ME1: variants seen among roughly 807,000 people sequenced by gnomAD.
ME1 encodes NADP-dependent malic enzyme.
A neutral mutation model predicts 66.4 loss-of-function variants in ME1; 74 were observed. The observed-to-expected ratio is 1.11, with a 90% confidence interval of 0.92 to 1.35. ME1 has a LOEUF of 1.35. Ranked by LOEUF, ME1 falls within the 40% of genes most tolerant of loss-of-function variation. The pLI, the probability that ME1 is intolerant of heterozygous loss-of-function variation, is 0.00. For synonymous variants in ME1, 251 were observed against 235.6 expected (o/e 1.07, Z -0.60); for missense variants, 750 against 694.1 (o/e 1.08, Z -0.90).
chr6:83,347,394 A>C (rs964921470), intron 4 of ME1, among the ~76,000 whole-genome samples: 1 of 152,234 alleles, frequency 6.6e-6, no homozygotes, highest in Admixed American at 6.5e-5. Flanking sequence ...AAACAAAACC[A>C]ATCTTATGAA....
chr6:83,371,655 G>C (rs1769195357), intron 3 of ME1, among the ~76,000 whole-genome samples: 1 of 152,132 alleles, frequency 6.6e-6, no homozygotes, highest in South Asian at 2.1e-4. Flanking sequence ...AATTTTCCAG[G>C]GGAGGTTGCT....
At chr6:83,376,364 G>A (rs1769288805) in intron 3 of ME1, among the ~76,000 whole-genome samples, 2 of 151,844 alleles carry the variant, frequency 1.3e-5, no homozygotes, top group African/African-American at 2.4e-5. Context: ...GTGTGGTGGC[G>A]CATGCCTGTG....
At chr6:83,293,496 A>C (rs1349593632) in intron 6 of ME1, among the ~76,000 whole-genome samples, 2 of 152,158 alleles carry the variant, frequency 1.3e-5, no homozygotes, top group Non-Finnish European at 2.9e-5. Context: ...TAGATATTGC[A>C]TATGTGTGAA....
At chr6:83,395,452 A>T (rs1244121976) in intron 3 of ME1, among the ~76,000 whole-genome samples, 1 of 151,782 alleles carries the variant, frequency 6.6e-6, no homozygotes, top group South Asian at 2.1e-4. Flanking sequence ...ATTGATTTGG[A>T]AATACTTTCT....
intron 7 of ME1, among the ~76,000 whole-genome samples, chr6:83,248,492 C>T (rs1033843756): frequency 4.6e-5 from 7 of 152,124 alleles, no homozygotes; most frequent in Admixed American, 4.6e-4. Context: ...AATACTGATA[C>T]AGTTTAGCTC....
intron 3 of ME1, among the ~76,000 whole-genome samples, chr6:83,365,990 A>T (rs892931023): frequency 6.6e-6 from 1 of 151,610 alleles, no homozygotes; most frequent in Non-Finnish European, 1.5e-5. Flanking sequence ...CCAATGTTCA[A>T]CTCTTCTCTT....
At chr6:83,317,970 C>T (rs907564712) in intron 5 of ME1, among the ~76,000 whole-genome samples, 4 of 152,070 alleles carry the variant, frequency 2.6e-5, no homozygotes, top group African/African-American at 9.7e-5. Flanking sequence ...ATCAACGGAA[C>T]AGAACAGAGC....
At chr6:83,345,696 CA>C (rs925346230) in intron 5 of ME1, among the ~76,000 whole-genome samples, 22 of 148,012 alleles carry the variant, frequency 1.5e-4, no homozygotes, top group Non-Finnish European at 2.4e-4. Flanking sequence ...AAAGGATGAG[CA>C]AAAAAAAAGT....
At chr6:83,374,358 T>C (rs1204031536) in intron 3 of ME1, among the ~76,000 whole-genome samples, 1 of 152,224 alleles carries the variant, frequency 6.6e-6, no homozygotes, top group African/African-American at 2.4e-5. Context: ...ATCAGTGATG[T>C]TGAGCTTTTT....
intron 1 of ME1, among the ~76,000 whole-genome samples, chr6:83,415,205 C>T (rs983760178): frequency 5.3e-5 from 8 of 152,184 alleles, no homozygotes; most frequent in Admixed American, 5.2e-4. Flanking sequence ...GATTTCTTAA[C>T]TCTTCAAGCT....
At chr6:83,408,324 T>C (rs1769985479) in intron 1 of ME1, among the ~76,000 whole-genome samples, 1 of 152,172 alleles carries the variant, frequency 6.6e-6, no homozygotes. Flanking sequence ...GGTCAGGAAA[T>C]GCCTTATATG....
intron 6 of ME1, among the ~76,000 whole-genome samples, chr6:83,304,727 AG>A (rs1393481590): frequency 6.6e-6 from 1 of 152,242 alleles, no homozygotes; most frequent in African/African-American, 2.4e-5. Flanking sequence ...GTGAAATAAA[AG>A]TAACAGTCAA....
intron 7 of ME1, among the ~76,000 whole-genome samples, chr6:83,251,731 C>A (rs1192788513): frequency 6.6e-6 from 1 of 151,952 alleles, no homozygotes; most frequent in Non-Finnish European, 1.5e-5. Flanking sequence ...CATTTCAGGA[C>A]CTGAGAAAGG....
chr6:83,379,018 G>T (rs1431911238), intron 3 of ME1, among the ~76,000 whole-genome samples: 1 of 151,964 alleles, frequency 6.6e-6, no homozygotes, highest in African/African-American at 2.4e-5. Flanking sequence ...TTATAGAAAT[G>T]CTCTAATTAC....
At chr6:83,246,162 T>A (rs890515296) in intron 7 of ME1, among the ~76,000 whole-genome samples, 2 of 152,170 alleles carry the variant, frequency 1.3e-5, no homozygotes, top group Non-Finnish European at 2.9e-5. Context: ...TTGGAAAGAA[T>A]ACTAATGGAA....
intron 5 of ME1, among the ~76,000 whole-genome samples, chr6:83,333,022 G>A (rs1299461716): frequency 6.6e-6 from 1 of 152,160 alleles, no homozygotes; most frequent in Non-Finnish European, 1.5e-5. Flanking sequence ...AAGCTTAAAA[G>A]CAGTCAGGCA....
intron 11 of ME1, among the ~76,000 whole-genome samples, chr6:83,224,871 T>C (rs1317864319): frequency 6.6e-6 from 1 of 151,880 alleles, no homozygotes; most frequent in East Asian, 1.9e-4. Context: ...TTTGTCATAA[T>C]TGTTTTGAGG....
intron 9 of ME1, among the ~76,000 whole-genome samples, chr6:83,235,940 C>CT (rs1378053030): frequency 6.6e-6 from 1 of 151,752 alleles, no homozygotes; most frequent in African/African-American, 2.4e-5. Context: ...GAACAGATTA[C>CT]TAAAAATTCA....
chr6:83,246,722 A>G (rs1790630856), intron 7 of ME1, among the ~76,000 whole-genome samples: 1 of 152,090 alleles, frequency 6.6e-6, no homozygotes, highest in East Asian at 1.9e-4. Flanking sequence ...TTTCTTCAGG[A>G]TAAATTTGTA....
Sources: allele counts gnomAD v4.1 joint callset (sites outside exome capture counted in the v4.1 genomes callset), GRCh38; gene constraint gnomAD v4.1.1; transcripts MANE v1.5; gene names NCBI Gene and HGNC (gene_info 2026-07-23, HGNC 2026-07-21).